SMOC2: variants seen among roughly 807,000 people sequenced by gnomAD.
The protein encoded by SMOC2 is SPARC related modular calcium binding 2.
In SMOC2, 39 loss-of-function variants were observed where a neutral mutation model predicts 61.4. The observed-to-expected ratio is 0.64, with a 90% CI of 0.49 to 0.83. SMOC2 has a LOEUF of 0.83. Ranked by LOEUF, SMOC2 falls within the 40% of genes least tolerant of loss-of-function variation. The pLI is 0.00. For missense variants in SMOC2, 556 were observed against 592.9 expected (o/e 0.94, Z 0.65); for synonymous variants, 247 against 239.9 (o/e 1.03, Z -0.27).
chr6:168,603,986 A>C (rs1322101485), intron 8 of SMOC2, among the ~76,000 whole-genome samples: 1 of 152,210 alleles, frequency 6.6e-6, no homozygotes, highest in East Asian at 1.9e-4. Flanking sequence ...AATATAAATG[A>C]CCAGAGATGG....
chr6:168,504,474 T>C (rs910029079), intron 1 of SMOC2, among the ~76,000 whole-genome samples: 1 of 151,166 alleles, frequency 6.6e-6, no homozygotes, highest in Non-Finnish European at 1.5e-5. Context: ...ACCCCTCAGA[T>C]GCGCAGTTCA....
intron 7 of SMOC2, among the ~76,000 whole-genome samples, chr6:168,569,435 T>G (rs539626975): frequency 6.6e-6 from 1 of 152,238 alleles, no homozygotes; most frequent in African/African-American, 2.4e-5. Flanking sequence ...GACATAAGTT[T>G]TTTGTTCATT....
intron 9 of SMOC2, among the ~76,000 whole-genome samples, chr6:168,631,293 C>T (rs1786564129): frequency 6.6e-6 from 1 of 152,116 alleles, no homozygotes; most frequent in Admixed American, 6.5e-5. Flanking sequence ...GGGCCGATTC[C>T]CCGATACTGT....
chr6:168,569,994 C>T lies in SMOC2; in HGVS notation c.637+20791C>T, dbSNP rs9456204. On this transcript the variant is annotated intron_variant, in intron 7 of 12. Coordinates refer to ENST00000356284, the MANE Select transcript of SMOC2 (RefSeq NM_001166412.2). ...GAGTTGTACAGTTCTGTGTTTTACACGTAGCTCTGTGGTATATTGGAGTTA... is the reference window on the plus strand; with the variant it reads ...GAGTTGTACAGTTCTGTGTTTTACATGTAGCTCTGTGGTATATTGGAGTTA... Among the ~76,000 whole-genome samples the T allele has an allele frequency of 2.5e-3, 377 of 152,272 alleles. 3 individuals carry two copies. Among genetic ancestry groups the T allele is most frequent in the African/African-American group, 8.5e-3 (354 of 41,554 alleles).
intron 1 of SMOC2, among the ~76,000 whole-genome samples, chr6:168,481,191 T>C (rs1782198037): frequency 6.6e-6 from 1 of 152,136 alleles, no homozygotes; most frequent in African/African-American, 2.4e-5. Flanking sequence ...TATAGTATCA[T>C]TGTAACATGG....
chr6:168,653,276 G>A, intron 11 of SMOC2, 48 bp downstream of exon 11: 1 of 1,565,912 alleles, frequency 6.4e-7, no homozygotes, highest in Non-Finnish European at 8.6e-7. Context: ...AGGCCCTGAG[G>A]CCTGGGAGGT....
rs1181445875 is a variant in SMOC2 at position 168,475,003 on chromosome 6, A to AT, written c.84+33554dup. 4.6e-5 allele frequency among the ~76,000 whole-genome samples: 7 copies of AT among 152,106 alleles called. No homozygotes were observed. Among genetic ancestry groups the AT allele is most frequent in the East Asian group, 1.9e-4 (1 of 5,186 alleles). On this transcript the variant is annotated intron_variant, in intron 1 of 12. Transcript: ENST00000356284. The surrounding 1 kb of genome is among the most constrained non-coding windows in gnomAD (Gnocchi z 4.6). ...CATCTAGAACTAAGGATTCCGATAC[A>AT]TTTTTGAGGAGAAAGAAGAAAAAAG...
chr6:168,603,709 AG>A (rs200881003), intron 8 of SMOC2, among the ~76,000 whole-genome samples: 1,333 of 103,948 alleles, frequency 0.013, 21 homozygotes, highest in African/African-American at 0.035. Context: ...AATGCTCTGG[AG>A]GAAAAAAAAA....
At chr6:168,447,290 C>T (rs562054750) in intron 1 of SMOC2, among the ~76,000 whole-genome samples, 4 of 152,156 alleles carry the variant, frequency 2.6e-5, no homozygotes, top group South Asian at 2.1e-4. Flanking sequence ...AGGCTGGTCT[C>T]GAACTCCTGA....
chr6:168,655,631 C>T, intron 11 of SMOC2: 1 of 334,516 alleles, frequency 3.0e-6, no homozygotes, highest in Non-Finnish European at 6.0e-6. Flanking sequence ...GCTGGATCCC[C>T]TCACACGTGT....
chr6:168,536,323 C>T (rs939584391), intron 4 of SMOC2, among the ~76,000 whole-genome samples: 2 of 152,124 alleles, frequency 1.3e-5, no homozygotes, highest in African/African-American at 4.8e-5. Flanking sequence ...GGACGTCTTG[C>T]CTGCTTGGGG....
intron 9 of SMOC2, 105 bp from the exon 10 acceptor site, chr6:168,650,576 C>A: frequency 2.9e-6 from 3 of 1,052,300 alleles, no homozygotes; most frequent in Non-Finnish European, 4.1e-6. Context: ...TTAAGGTAGG[C>A]CAAAATACTC....
At chr6:168,577,924 G>C (rs548147037) in intron 7 of SMOC2, among the ~76,000 whole-genome samples, 48 of 152,314 alleles carry the variant, frequency 3.2e-4, no homozygotes, top group African/African-American at 1.1e-3. Context: ...TTCTAAGTTT[G>C]GGGCTCCTGA....
intron 4 of SMOC2, among the ~76,000 whole-genome samples, chr6:168,531,657 G>A (rs927940779): frequency 9.2e-5 from 14 of 152,210 alleles, no homozygotes; most frequent in Non-Finnish European, 1.6e-4. Flanking sequence ...ACTTGGCCAC[G>A]CAGAAGTGCC....
chr6:168,441,635 C>G (rs1406462856), intron 1 of SMOC2, among the ~76,000 whole-genome samples, 181 bp downstream of exon 1: 7 of 152,150 alleles, frequency 4.6e-5, no homozygotes, highest in African/African-American at 1.7e-4. Flanking sequence ...AGCGTGCGCG[C>G]CTGGGACCCG....
At chr6:168,448,813 G>T (rs1781395171) in intron 1 of SMOC2, among the ~76,000 whole-genome samples, 1 of 152,224 alleles carries the variant, frequency 6.6e-6, no homozygotes, top group South Asian at 2.1e-4. Flanking sequence ...ACGTGTTGTT[G>T]GAGTGAGTAG....
chr6:168,535,260 G>A lies in SMOC2; in HGVS notation c.463+7533G>A, dbSNP rs1039034778. Among the ~76,000 whole-genome samples the A allele has an allele frequency of 2.0e-5, 3 of 152,026 alleles. No homozygotes were observed. Among genetic ancestry groups the A allele is most frequent in the Admixed American group, 1.3e-4 (2 of 15,252 alleles). Reference sequence around the variant, plus strand: ...GCTGGGATTACAGGCAGGAGCCACCGTGCCCAGCCTCCAGAGATATTTTAT... The same window carrying A: ...GCTGGGATTACAGGCAGGAGCCACCATGCCCAGCCTCCAGAGATATTTTAT... On this transcript the variant is annotated intron_variant, in intron 4 of 12. Coordinates refer to ENST00000356284, the MANE Select transcript of SMOC2 (RefSeq NM_001166412.2). This position sits in a 1 kb window ranked among gnomAD's most constrained non-coding sequence, Gnocchi z 4.6.
chr6:168,640,831 C>T (rs1304408886), intron 9 of SMOC2, among the ~76,000 whole-genome samples: 1 of 152,168 alleles, frequency 6.6e-6, no homozygotes, highest in East Asian at 1.9e-4. Context: ...ATTTCCTAAA[C>T]TACATATGCG....
intron 4 of SMOC2, among the ~76,000 whole-genome samples, chr6:168,529,492 C>G (rs929513211): frequency 6.6e-6 from 1 of 152,188 alleles, no homozygotes; most frequent in African/African-American, 2.4e-5. Context: ...TTCACCTGTT[C>G]GGTGCAACTA....
Sources: allele counts gnomAD v4.1 joint callset (sites outside exome capture counted in the v4.1 genomes callset), GRCh38; gene constraint gnomAD v4.1.1; non-coding constraint Gnocchi (gnomAD v3.1); transcripts MANE v1.5; gene names NCBI Gene and HGNC (gene_info 2026-07-23, HGNC 2026-07-21).